GRM5: variants seen among roughly 807,000 people sequenced by gnomAD.
GRM5 encodes the protein glutamate metabotropic receptor 5.
Under a neutral mutation model 83.1 loss-of-function variants are expected in GRM5, and 19 were observed. The observed-to-expected ratio is 0.23, with a 90% confidence interval of 0.16 to 0.34. The LOEUF (loss-of-function observed/expected upper bound fraction) is 0.34. Among genes scored for constraint, GRM5 ranks in the 10% least tolerant of loss-of-function variants. The probability of loss-of-function intolerance (pLI) is 1.00; values close to 1 mark genes in which losing one functional copy is unlikely to be tolerated. For synonymous variants in GRM5, 675 were observed against 633.6 expected, an observed-to-expected ratio of 1.07 and a Z score of -0.98; for missense variants, 1,160 against 1,588.3, an observed-to-expected ratio of 0.73 and a Z score of 4.58.
chr11:88,964,090 A>T (rs1467447523), intron 2 of GRM5, among the ~76,000 whole-genome samples: 1 of 152,166 alleles, frequency 6.6e-6, no homozygotes, highest in African/African-American at 2.4e-5. Flanking sequence ...TGAAAATTTT[A>T]TAATTTGGGG....
At chr11:88,699,074 G>T (rs1940967376) in intron 3 of GRM5, among the ~76,000 whole-genome samples, 1 of 146,450 alleles carries the variant, frequency 6.8e-6, no homozygotes. Context: ...TTCTGCATTA[G>T]TCTCCCATTC....
chr11:88,590,496 A>T, intron 7 of GRM5, 105 bp downstream of exon 7: 1 of 865,144 alleles, frequency 1.2e-6, no homozygotes, highest in Non-Finnish European at 1.8e-6. Flanking sequence ...TTGTTCCATA[A>T]ATAAGACTAC....
chr11:88,873,722 T>C (rs1294788683), intron 2 of GRM5, among the ~76,000 whole-genome samples: 3 of 151,626 alleles, frequency 2.0e-5, no homozygotes, highest in Admixed American at 6.6e-5. Context: ...GAAGTTACAA[T>C]AGGAAAGTTT....
intron 3 of GRM5, among the ~76,000 whole-genome samples, chr11:88,726,258 T>C (rs982408797): frequency 1.3e-5 from 2 of 151,978 alleles, no homozygotes; most frequent in African/African-American, 4.8e-5. Context: ...GTATCAATAG[T>C]CTAACCAATT....
intron 2 of GRM5, among the ~76,000 whole-genome samples, chr11:89,004,675 C>T (rs1327817798): frequency 6.6e-6 from 1 of 152,152 alleles, no homozygotes; most frequent in African/African-American, 2.4e-5. Flanking sequence ...TTTAGATCTA[C>T]ATTTGAAATG....
intron 5 of GRM5, among the ~76,000 whole-genome samples, chr11:88,599,723 A>G (rs1591373402): frequency 1.3e-5 from 2 of 152,348 alleles, no homozygotes; most frequent in Admixed American, 1.3e-4. Context: ...TTCCAATAAA[A>G]TAACAGAAGG....
chr11:88,729,561 T>C (rs969248850), intron 3 of GRM5, among the ~76,000 whole-genome samples: 2 of 151,988 alleles, frequency 1.3e-5, no homozygotes, highest in Admixed American at 1.3e-4. Context: ...AAAGAGCCCA[T>C]ATAGCCAAGA....
intron 2 of GRM5, among the ~76,000 whole-genome samples, chr11:89,041,335 A>T (rs1054694190): frequency 1.2e-4 from 19 of 152,208 alleles, no homozygotes; most frequent in Non-Finnish European, 2.2e-4. Context: ...AACTCAGCTT[A>T]GTCATCCTGG....
chr11:88,698,840 G>T (rs576689215), intron 3 of GRM5, among the ~76,000 whole-genome samples: 2 of 152,268 alleles, frequency 1.3e-5, no homozygotes, highest in South Asian at 4.1e-4. Flanking sequence ...TGAAAAAATG[G>T]TCTCCTTCAT....
intron 2 of GRM5, among the ~76,000 whole-genome samples, chr11:88,885,211 T>G (rs1048390549): frequency 2.6e-5 from 4 of 151,850 alleles, no homozygotes; most frequent in African/African-American, 7.2e-5. Flanking sequence ...GTTTTAGATC[T>G]TCCATCTACT....
chr11:88,519,413 A>G (rs1165378075), intron 9 of GRM5, among the ~76,000 whole-genome samples: 1 of 149,154 alleles, frequency 6.7e-6, no homozygotes, highest in Admixed American at 6.7e-5. Context: ...TTCTGAGTGC[A>G]TGAGTTCGTA....
chr11:89,000,955 A>G (rs10765820), intron 2 of GRM5, among the ~76,000 whole-genome samples: 66,269 of 151,828 alleles, frequency 0.44, 16,005 homozygotes, highest in South Asian at 0.65. Context: ...AAAAATTCCA[A>G]CATTATTGGC....
At chr11:89,065,307 CACACAG>C (rs1270150544) in intron 1 of GRM5, among the ~76,000 whole-genome samples, 86 of 125,960 alleles carry the variant, frequency 6.8e-4, no homozygotes, top group African/African-American at 2.0e-3. Context: ...CACACACACA[CACACAG>C]ACAGAGGGAG....
chr11:89,036,436 T>C (rs1346958279), intron 2 of GRM5, among the ~76,000 whole-genome samples: 1 of 152,114 alleles, frequency 6.6e-6, no homozygotes, highest in African/African-American at 2.4e-5. Context: ...ACATCATTTA[T>C]GGTTTTTTTC....
intron 8 of GRM5, among the ~76,000 whole-genome samples, chr11:88,565,791 A>G (rs78620870): frequency 0.013 from 1,934 of 152,348 alleles, 44 homozygotes; most frequent in African/African-American, 0.044. Context: ...CAATGTACGT[A>G]GAAAGAGATG....
intron 2 of GRM5, among the ~76,000 whole-genome samples, chr11:88,862,694 C>T (rs1389151812): frequency 2.0e-5 from 3 of 151,914 alleles, no homozygotes; most frequent in African/African-American, 7.3e-5. Flanking sequence ...GCAGGATGTG[C>T]AGGTTTGTTA....
intron 2 of GRM5, among the ~76,000 whole-genome samples, chr11:88,854,056 G>A (rs1944429349): frequency 5.6e-5 from 1 of 17,774 alleles, no homozygotes; most frequent in Non-Finnish European, 1.0e-4. Flanking sequence ...AAAAAATGTG[G>A]TGTATATATA....
intron 2 of GRM5, among the ~76,000 whole-genome samples, chr11:88,947,747 C>T (rs1344333818): frequency 6.6e-6 from 1 of 152,006 alleles, no homozygotes; most frequent in Non-Finnish European, 1.5e-5. Flanking sequence ...GGCTTCTCTC[C>T]CCTTTTTGAA....
intron 3 of GRM5, among the ~76,000 whole-genome samples, chr11:88,832,362 C>T (rs1944011260): frequency 6.6e-6 from 1 of 151,988 alleles, no homozygotes; most frequent in Non-Finnish European, 1.5e-5. Flanking sequence ...AGAAGGCAAT[C>T]CCAATTACAA....
Sources: gnomAD v4.1 joint callset for allele counts (sites outside exome capture counted in the v4.1 genomes callset) on GRCh38, gnomAD v4.1.1 for gene constraint, MANE v1.5 for transcripts, NCBI Gene and HGNC (gene_info 2026-07-23, HGNC 2026-07-21) for gene names.